The following CNTN5 variants were observed in gnomAD, a reference collection of about 807,000 sequenced individuals.
The protein encoded by CNTN5 is contactin-5.
CNTN5 carries 77 observed loss-of-function variants against 129.1 expected under a neutral mutation model. The ratio of observed to expected loss-of-function variants is 0.60; its 90% CI spans 0.50 to 0.72. The LOEUF is 0.72. Among genes scored for constraint, CNTN5 ranks in the 30% least tolerant of loss-of-function variants. CNTN5 has a pLI of 0.00. For missense variants in CNTN5, 1,478 were observed against 1,328.8 expected, an observed-to-expected ratio of 1.11 and a Z score of -1.75; for synonymous variants, 509 against 465.6, an observed-to-expected ratio of 1.09 and a Z score of -1.20.
At chr11:99,678,419 G>A (rs543698632) in intron 3 of CNTN5, among the ~76,000 whole-genome samples, 17 of 152,220 alleles carry the variant, frequency 1.1e-4, no homozygotes, top group Non-Finnish European at 1.9e-4. Context: ...ATTCCTGGAT[G>A]ATGGACACAT....
chr11:99,116,545 C>T (rs1858055073), intron 1 of CNTN5, among the ~76,000 whole-genome samples: 1 of 151,930 alleles, frequency 6.6e-6, no homozygotes, highest in African/African-American at 2.4e-5. Flanking sequence ...TGCAATTGAC[C>T]AACAAAATAA....
chr11:99,832,733 A>G (rs1257916221), intron 4 of CNTN5, among the ~76,000 whole-genome samples: 3 of 152,278 alleles, frequency 2.0e-5, no homozygotes, highest in South Asian at 2.1e-4. Flanking sequence ...AAATTTCTTG[A>G]AATTGTCACA....
chr11:99,598,324 C>CT, intron 3 of CNTN5, among the ~76,000 whole-genome samples: 1 of 55,050 alleles, frequency 1.8e-5, no homozygotes, highest in African/African-American at 8.5e-5. Context: ...CTTTTCTTTT[C>CT]TGTCCCTCTC....
At chr11:99,337,671 T>C (rs1866291193) in intron 2 of CNTN5, among the ~76,000 whole-genome samples, 1 of 152,184 alleles carries the variant, frequency 6.6e-6, no homozygotes, top group African/African-American at 2.4e-5. Context: ...AGAGATTTTA[T>C]TTATGGCCAG....
rs79074997 is a variant in CNTN5 at position 99,423,119 on chromosome 11, A to G, written c.-71+97635A>G. Among the ~76,000 whole-genome samples, 1,176 of 152,304 alleles carry G rather than the reference A, an allele frequency of 7.7e-3. 19 individuals carry two copies. The highest frequency in any genetic ancestry group is 0.027 in the African/African-American group (1,130 of 41,568). On this transcript the variant is annotated intron_variant, in intron 2 of 24. Transcript: ENST00000524871. ...GAGCCAAGCAGATACATATCATTAC[A>G]TATGTCTTTTCAAGATGAACAATAA...
chr11:100,259,060 G>C (rs1054562658), intron 17 of CNTN5, among the ~76,000 whole-genome samples: 2 of 152,112 alleles, frequency 1.3e-5, no homozygotes, highest in Admixed American at 6.5e-5. Context: ...CATCTCACTT[G>C]CAAAGTCACA....
intron 8 of CNTN5, among the ~76,000 whole-genome samples, chr11:99,959,227 T>G (rs1215658955): frequency 6.6e-6 from 1 of 152,130 alleles, no homozygotes; most frequent in Non-Finnish European, 1.5e-5. Flanking sequence ...ATCATCAATT[T>G]CAAGTGGGCT....
At chr11:100,219,272 C>T (rs536491691) in intron 15 of CNTN5, among the ~76,000 whole-genome samples, 35 of 152,242 alleles carry the variant, frequency 2.3e-4, no homozygotes, top group African/African-American at 7.5e-4. Context: ...CTTAGCACAG[C>T]ACAAATGAAT....
intron 1 of CNTN5, among the ~76,000 whole-genome samples, chr11:99,242,497 T>C (rs374224571): frequency 5.3e-5 from 8 of 152,212 alleles, no homozygotes; most frequent in African/African-American, 1.9e-4. Context: ...TTTCAACTTT[T>C]ATTTTATGTT....
chr11:99,022,838 T>A (rs1862938703), intron 1 of CNTN5, among the ~76,000 whole-genome samples: 1 of 152,178 alleles, frequency 6.6e-6, no homozygotes, highest in African/African-American at 2.4e-5. Context: ...GTGTTTTTGC[T>A]TAGGAATTGG....
chr11:99,882,301 G>A (rs1165544103), intron 6 of CNTN5, among the ~76,000 whole-genome samples: 5 of 152,076 alleles, frequency 3.3e-5, no homozygotes. Context: ...GATAACTATT[G>A]CTGGACTTGC....
intron 3 of CNTN5, among the ~76,000 whole-genome samples, chr11:99,818,491 A>G (rs1386597614): frequency 6.6e-6 from 1 of 152,152 alleles, no homozygotes; most frequent in African/African-American, 2.4e-5. Flanking sequence ...ACCTAGCTGA[A>G]GTCATTCTCC....
intron 3 of CNTN5, among the ~76,000 whole-genome samples, chr11:99,609,485 C>T (rs947835149): frequency 1.3e-5 from 2 of 152,058 alleles, no homozygotes; most frequent in African/African-American, 4.8e-5. Context: ...CTAATGTAAT[C>T]ATTAATGTAT....
At chr11:100,212,775 A>G (rs1398672089) in intron 15 of CNTN5, among the ~76,000 whole-genome samples, 2 of 152,146 alleles carry the variant, frequency 1.3e-5, no homozygotes, top group African/African-American at 2.4e-5. Context: ...CTCTCCAGAT[A>G]TAATGTCCAA....
At chr11:99,453,313 A>G (rs1944378915) in intron 2 of CNTN5, among the ~76,000 whole-genome samples, 1 of 152,192 alleles carries the variant, frequency 6.6e-6, no homozygotes, top group African/African-American at 2.4e-5. Flanking sequence ...CGTTGGAGAA[A>G]GGGAAAAAAC....
chr11:99,972,982 G>A (rs370353323), intron 8 of CNTN5, among the ~76,000 whole-genome samples: 1 of 105,082 alleles, frequency 9.5e-6, no homozygotes, highest in Admixed American at 8.7e-5. Context: ...CTTGCGACAT[G>A]TTTTTTTAAA....
rs939025355 is a variant in CNTN5 at position 100,161,838 on chromosome 11, C to T, written c.1581-29288C>T. 2.8e-4 allele frequency among the ~76,000 whole-genome samples: 26 copies of T among 91,536 alleles called. 1 individual carries two copies. Among genetic ancestry groups the T allele is most frequent in the African/African-American group, 5.7e-4 (19 of 33,616 alleles). 60.1% of individuals were successfully genotyped at this position (91,536 alleles called of 152,430 possible). ...ATAGCCCTGGAGCTTCCTACACACACACACACACACACACACACACACACA... is the reference window on the plus strand; with the variant it reads ...ATAGCCCTGGAGCTTCCTACACACATACACACACACACACACACACACACA... On this transcript the variant is annotated intron_variant, in intron 13 of 24. Coordinates refer to ENST00000524871, the MANE Select transcript of CNTN5 (RefSeq NM_014361.4).
At chr11:99,380,698 G>C (rs1023430405) in intron 2 of CNTN5, among the ~76,000 whole-genome samples, 3 of 149,802 alleles carry the variant, frequency 2.0e-5, no homozygotes, top group Non-Finnish European at 3.0e-5. Flanking sequence ...AACCCGGGAG[G>C]TGGAGGTTGC....
At chr11:99,657,658 TTAGGTAC>T (rs1158370142) in intron 3 of CNTN5, among the ~76,000 whole-genome samples, 1 of 152,174 alleles carries the variant, frequency 6.6e-6, no homozygotes, top group Admixed American at 6.6e-5. Context: ...TGAGTAGTTT[TTAGGTAC>T]TTGACAAGTT....
Sources: gnomAD v4.1 joint callset for allele counts (sites outside exome capture counted in the v4.1 genomes callset) on GRCh38, gnomAD v4.1.1 for gene constraint, MANE v1.5 for transcripts, NCBI Gene and HGNC (gene_info 2026-07-23, HGNC 2026-07-21) for gene names.